The following PDE1A variants were observed in gnomAD, a reference collection of about 807,000 sequenced individuals.
PDE1A encodes the protein phosphodiesterase 1A, also known as dual specificity calcium/calmodulin-dependent 3',5'-cyclic nucleotide phosphodiesterase 1A.
PDE1A carries 35 observed loss-of-function variants against 61.7 expected under a neutral mutation model. That is an observed-to-expected ratio of 0.57 (90% CI 0.43 to 0.75). The LOEUF (loss-of-function observed/expected upper bound fraction) is 0.75. PDE1A is among the 30% of genes least tolerant of loss of function. The pLI, the probability that PDE1A is intolerant of heterozygous loss-of-function variation, is 0.00. For missense variants in PDE1A, 597 were observed against 630.6 expected (o/e 0.95, Z 0.57); for synonymous variants, 232 against 213.2 (o/e 1.09, Z -0.77).
rs373861681 is a variant in PDE1A, at chr2:182,150,172, G to A, written c.1517-3020C>T. 2.3e-4 allele frequency among the ~76,000 whole-genome samples: 35 copies of A among 152,182 alleles called. 1 individual carries two copies. In the South Asian group the frequency reaches 2.9e-3, roughly 13 times the overall value. On this transcript the variant is annotated intron_variant, in intron 13 of 13. Transcript: ENST00000409365. ...ACAAAAATACCATAAATGTTGATGC[G>A]TATTCTTTCCTACAAATGAGGAGAA... is the stretch of plus-strand genomic sequence containing the variant.
the PDE1A span, among the ~76,000 whole-genome samples, chr2:182,681,091 C>T: frequency 4.6e-5 from 7 of 151,632 alleles, no homozygotes; most frequent in African/African-American, 1.7e-4. Flanking sequence ...TTCCTTTCTT[C>T]AGCCAGTCTT....
chr2:182,662,122 A>G, the PDE1A span, among the ~76,000 whole-genome samples: 1 of 152,048 alleles, frequency 6.6e-6, no homozygotes, highest in Non-Finnish European at 1.5e-5. Context: ...TACAGTTTAA[A>G]TGGTATACTA....
chr2:182,205,648 C>A (rs1687038582), intron 8 of PDE1A, among the ~76,000 whole-genome samples: 3 of 152,094 alleles, frequency 2.0e-5, no homozygotes, highest in African/African-American at 7.2e-5. Context: ...GAGCAGAGCT[C>A]CATTCCAGAG....
Position 182,415,136 on chromosome 2 carries a change from T to A in PDE1A, c.53+11442A>T, listed in dbSNP as rs564391858. On this transcript the variant is annotated intron_variant, in intron 1 of 13. Coordinates refer to ENST00000351439, the Ensembl canonical transcript of PDE1A. ...CCACTCTGTACCACATAAAATATAT[T>A]GCCTTCAATAAAGACTTTCTAAATA... is the stretch of plus-strand genomic sequence containing the variant. Among the ~76,000 whole-genome samples the A allele has an allele frequency of 2.6e-5, 4 of 152,260 alleles. No individual in the cohort carries two copies. The South Asian group carries it at 8.3e-4, about 32-fold the overall frequency.
chr2:182,394,777 C>T (rs1701610658), intron 1 of PDE1A, among the ~76,000 whole-genome samples: 2 of 152,128 alleles, frequency 1.3e-5, no homozygotes, highest in Admixed American at 1.3e-4. Flanking sequence ...GGCTAAATCC[C>T]CACATTGGCT....
intron 2 of PDE1A, among the ~76,000 whole-genome samples, chr2:182,500,438 A>G (rs1321323010): frequency 6.6e-6 from 1 of 151,286 alleles, no homozygotes; most frequent in Non-Finnish European, 1.5e-5. Context: ...ACATTAAATT[A>G]TTATTTAAAA....
intron 2 of PDE1A, among the ~76,000 whole-genome samples, chr2:182,246,047 T>C (rs944921474): frequency 6.6e-6 from 1 of 152,234 alleles, no homozygotes; most frequent in African/African-American, 2.4e-5. Context: ...TTCTTCCCTC[T>C]ACAGCCAGAA....
the PDE1A span, among the ~76,000 whole-genome samples, chr2:182,628,433 T>C: frequency 1.3e-5 from 2 of 152,202 alleles, no homozygotes; most frequent in South Asian, 2.1e-4. Context: ...TCTTTTCCTT[T>C]AATTTTAATA....
chr2:182,160,951 A>G (rs1423777187), intron 13 of PDE1A, among the ~76,000 whole-genome samples: 1 of 152,142 alleles, frequency 6.6e-6, no homozygotes, highest in Non-Finnish European at 1.5e-5. Context: ...TTTGGCGTGA[A>G]CTGTTTATAG....
chr2:182,610,507 A>G, the PDE1A span, among the ~76,000 whole-genome samples: 1 of 152,164 alleles, frequency 6.6e-6, no homozygotes, highest in African/African-American at 2.4e-5. Flanking sequence ...ACCTTTCTCA[A>G]AAATCTTCTG....
At chr2:182,337,833 A>T (rs1247771057) in intron 1 of PDE1A, among the ~76,000 whole-genome samples, 2 of 152,216 alleles carry the variant, frequency 1.3e-5, no homozygotes, top group African/African-American at 4.8e-5. Context: ...TTAAAAAAAA[A>T]GAAAGTGTGA....
At chr2:182,462,981 C>G (rs1207139162) in intron 2 of PDE1A, among the ~76,000 whole-genome samples, 1 of 152,086 alleles carries the variant, frequency 6.6e-6, no homozygotes, top group East Asian at 1.9e-4. Context: ...TGGCTCACAC[C>G]TGTAATCCCA....
chr2:182,455,350 G>C (rs1004432752), intron 2 of PDE1A, among the ~76,000 whole-genome samples: 2 of 152,070 alleles, frequency 1.3e-5, no homozygotes, highest in South Asian at 2.1e-4. Context: ...TCAGTGTGGC[G>C]ATTCCTCAGG....
chr2:182,555,316 C>G, the PDE1A span, among the ~76,000 whole-genome samples: 1 of 152,116 alleles, frequency 6.6e-6, no homozygotes, highest in Non-Finnish European at 1.5e-5. Flanking sequence ...TCAAGATACT[C>G]CGAGCGTTTG....
chr2:182,629,829 T>G, the PDE1A span, among the ~76,000 whole-genome samples: 2 of 152,206 alleles, frequency 1.3e-5, no homozygotes, highest in African/African-American at 2.4e-5. Flanking sequence ...CCAAAAAGGA[T>G]GCTAAAATGT....
intron 8 of PDE1A, among the ~76,000 whole-genome samples, chr2:182,203,773 G>T (rs1246327646): frequency 6.6e-6 from 1 of 151,716 alleles, no homozygotes; most frequent in Admixed American, 6.6e-5. Flanking sequence ...AGTACTTTAA[G>T]AAATAAACAG....
intron 6 of PDE1A, 128 bp downstream of exon 6, chr2:182,229,878 A>G: frequency 1.8e-6 from 1 of 564,810 alleles, no homozygotes; most frequent in Non-Finnish European, 2.8e-6. Context: ...AAATCCAAAC[A>G]ATTATTCTTT....
chr2:182,145,831 A>G (rs1242808799), downstream of PDE1A, among the ~76,000 whole-genome samples: 1 of 152,234 alleles, frequency 6.6e-6, no homozygotes, highest in Non-Finnish European at 1.5e-5. Context: ...ATTCTTATGA[A>G]TAAAAGACAG....
At chr2:182,168,425 A>T in intron 13 of PDE1A, 1 of 766,692 alleles carries the variant, frequency 1.3e-6, no homozygotes, top group South Asian at 2.3e-5. Flanking sequence ...GAAGAGAAAC[A>T]TAATTGGCAT....
Sources: allele counts gnomAD v4.1 joint callset (sites outside exome capture counted in the v4.1 genomes callset), GRCh38; gene constraint gnomAD v4.1.1; transcripts MANE v1.5; gene names NCBI Gene and HGNC (gene_info 2026-07-23, HGNC 2026-07-21).